PXMP2: variants seen among roughly 807,000 people sequenced by gnomAD.
PXMP2 encodes the protein 22 kDa peroxisomal membrane protein.
PXMP2 carries 13 observed loss-of-function variants against 20.2 expected under a neutral mutation model. The observed-to-expected ratio is 0.64, with a 90% CI of 0.42 to 1.02. PXMP2 has a LOEUF of 1.02. PXMP2 is among the 50% of genes least tolerant of loss of function. PXMP2 has a pLI of 0.00. For missense variants in PXMP2, 284 were observed against 251.8 expected (o/e 1.13, Z -0.87); for synonymous variants, 113 against 111.2 (o/e 1.02, Z -0.10).
intron 2 of PXMP2, among the ~76,000 whole-genome samples, chr12:132,692,270 C>T (rs1351274123): frequency 6.7e-6 from 1 of 149,604 alleles, no homozygotes; most frequent in Non-Finnish European, 1.5e-5. Flanking sequence ...TTAGTGAGCT[C>T]CCTTAGCCAG....
At chr12:132,692,521 TGCC>T (rs2043376056) in intron 2 of PXMP2, among the ~76,000 whole-genome samples, 1 of 47,634 alleles carries the variant, frequency 2.1e-5, no homozygotes, top group Non-Finnish European at 5.3e-5. Flanking sequence ...TGAGCTCCCT[TGCC>T]AGTTAGTTAG....
At chr12:132,689,301 G>A (rs1010459393) in intron 1 of PXMP2, among the ~76,000 whole-genome samples, 1 of 150,488 alleles carries the variant, frequency 6.6e-6, no homozygotes, top group Non-Finnish European at 1.5e-5. Flanking sequence ...GCGCGGGTCC[G>A]CACGGCGCGG....
At chr12:132,689,421 T>C (rs2043353303) in intron 1 of PXMP2, among the ~76,000 whole-genome samples, 1 of 152,122 alleles carries the variant, frequency 6.6e-6, no homozygotes, top group Non-Finnish European at 1.5e-5. Context: ...CAAAGGTCTC[T>C]GTTAGGTTTT....
At chr12:132,690,217 C>T in intron 1 of PXMP2, 46 bp from the exon 2 acceptor site, 2 of 1,493,318 alleles carry the variant, frequency 1.3e-6, no homozygotes, top group Non-Finnish European at 1.9e-6. Flanking sequence ...AAAGGGACAC[C>T]CTCCTGCTGG....
chr12:132,704,717 T>C lies in PXMP2; in HGVS notation c.*30T>C, dbSNP rs1565994454. ...CGCTGGGAGAACATCAGGTGCACTG[T>C]GGACGTGGGTCTGGGGGTCTCACCC... On this transcript the variant is annotated 3_prime_UTR_variant, in exon 5 of 5. Transcript: ENST00000317479. The C allele has an allele frequency of 6.3e-7, 1 of 1,589,880 alleles. No individual in the cohort carries two copies. Among genetic ancestry groups the C allele is most frequent in the Non-Finnish European group, 8.6e-7 (1 of 1,165,624 alleles).
intron 2 of PXMP2, among the ~76,000 whole-genome samples, chr12:132,692,955 G>T (rs2043380804): frequency 1.0e-5 from 1 of 96,076 alleles, no homozygotes; most frequent in Admixed American, 9.9e-5. Context: ...TTGCCAGTTA[G>T]TTAGTGAGCT....
chr12:132,700,915 TG>T (rs1397979834), intron 3 of PXMP2, among the ~76,000 whole-genome samples: 5 of 152,146 alleles, frequency 3.3e-5, no homozygotes, highest in African/African-American at 1.2e-4. Flanking sequence ...GGAGGTTATT[TG>T]GGAGGAATTG....
chr12:132,695,490 C>A (rs2043405058), intron 2 of PXMP2, among the ~76,000 whole-genome samples: 1 of 152,176 alleles, frequency 6.6e-6, no homozygotes, highest in African/African-American at 2.4e-5. Flanking sequence ...CCTTGTGGAG[C>A]CTGCCTTCTA....
intron 4 of PXMP2, chr12:132,701,723 T>C (rs541164340): frequency 7.4e-5 from 21 of 284,814 alleles, no homozygotes; most frequent in Non-Finnish European, 1.3e-4. Flanking sequence ...CCCAGGAATG[T>C]ACATGCAGGC....
At chr12:132,698,427 G>A (rs530854444) in intron 3 of PXMP2, among the ~76,000 whole-genome samples, 3 of 152,318 alleles carry the variant, frequency 2.0e-5, no homozygotes, top group Admixed American at 1.3e-4. Flanking sequence ...CTTACAGGAA[G>A]ATAATAGAAA....
chr12:132,704,350 CA>C (rs1268268780), intron 4 of PXMP2, among the ~76,000 whole-genome samples: 3 of 152,090 alleles, frequency 2.0e-5, no homozygotes, highest in African/African-American at 7.2e-5. Context: ...GTGAAGGGGG[CA>C]AAAGGAGAGT....
At chr12:132,698,565 T>G (rs2043422534) in intron 3 of PXMP2, among the ~76,000 whole-genome samples, 2 of 152,228 alleles carry the variant, frequency 1.3e-5, no homozygotes, top group South Asian at 4.1e-4. Context: ...CAATCCCCAG[T>G]ATTTTGAAAT....
rs1393425198 is a variant in PXMP2, at chr12:132,693,749, CTCCCTT to C, written c.237-2134_237-2129del. 3.6e-4 allele frequency among the ~76,000 whole-genome samples: 48 copies of C among 131,660 alleles called. 1 individual carries two copies. The highest frequency in any genetic ancestry group is 6.9e-4 in the East Asian group (3 of 4,352). The allele number at this position is 131,660 out of a possible 152,430, so 86.4% of individuals were successfully genotyped here. On this transcript the variant is annotated intron_variant, in intron 2 of 4. Transcript: ENST00000317479. Reference sequence around the variant, plus strand: ...GCTCCCTTGCCAGTTAGTTAGTGAGCTCCCTTAGCCAGTTAGTTAGTGAGCGCCCTT... The same window carrying C: ...GCTCCCTTGCCAGTTAGTTAGTGAGCAGCCAGTTAGTTAGTGAGCGCCCTT...
chr12:132,698,401 C>T (rs1410331685), intron 3 of PXMP2, among the ~76,000 whole-genome samples: 2 of 152,340 alleles, frequency 1.3e-5, no homozygotes, highest in Non-Finnish European at 2.9e-5. Flanking sequence ...TGACATTATT[C>T]TCCTTCATGC....
chr12:132,693,872 T>G (rs376030983), intron 2 of PXMP2, among the ~76,000 whole-genome samples: 5 of 68,396 alleles, frequency 7.3e-5, no homozygotes, highest in East Asian at 3.3e-4. Context: ...GTTAGTGAGC[T>G]CCCTTAGCCA....
In PXMP2 at chr12:132,695,904, T is replaced by G; in HGVS notation, c.257T>G (p.Leu86Arg). ...CTCAGGTTCTTCTTCACAGGGCCGC[T>G]GAGTCACTTCTTCTACTTCTTCATG... Reference protein sequence around the residue: ...AVYGFFFTGPLSHFFYFFMEH... With the variant: ...AVYGFFFTGPRSHFFYFFMEH... Residue 86 changes from leucine (L) to arginine (R), a missense_variant, in exon 3 of 5, where the codon CTG (leucine) becomes CGG (arginine). Leu to Arg is a moderately radical substitution (Grantham distance 102). Coordinates refer to ENST00000317479, the MANE Select transcript of PXMP2 (RefSeq NM_018663.3). 1 of 1,607,508 alleles carries G rather than the reference T, an allele frequency of 6.2e-7. No individual in the cohort carries two copies. The highest frequency in any genetic ancestry group is 1.1e-5 in the South Asian group (1 of 89,188).
chr12:132,701,089 T>C (rs1484044338), intron 3 of PXMP2, among the ~76,000 whole-genome samples, 161 bp from the exon 4 acceptor site: 1 of 152,170 alleles, frequency 6.6e-6, no homozygotes, highest in Admixed American at 6.5e-5. Context: ...GCTGGTTGGC[T>C]CCTTAGAGCC....
chr12:132,694,655 G>C (rs1429616183), intron 2 of PXMP2, among the ~76,000 whole-genome samples: 1 of 122,248 alleles, frequency 8.2e-6, no homozygotes, highest in Admixed American at 8.2e-5. Flanking sequence ...GTTAGTTAGT[G>C]AGCTCCCTTA....
intron 3 of PXMP2, among the ~76,000 whole-genome samples, chr12:132,697,351 T>C (rs2043416112): frequency 6.6e-6 from 1 of 152,122 alleles, no homozygotes; most frequent in African/African-American, 2.4e-5. Context: ...CTGAATATTT[T>C]GATAACTGTA....
Sources: allele counts gnomAD v4.1 joint callset (sites outside exome capture counted in the v4.1 genomes callset), GRCh38; gene constraint gnomAD v4.1.1; transcripts MANE v1.5; gene names NCBI Gene and HGNC (gene_info 2026-07-23, HGNC 2026-07-21).